TMEM80: variants seen among roughly 807,000 people sequenced by gnomAD.
The protein encoded by TMEM80 is transmembrane protein 80.
Under a neutral mutation model 13.6 loss-of-function variants are expected in TMEM80, and 16 were observed. The observed-to-expected ratio is 1.17, with a 90% CI of 0.79 to 1.78. The LOEUF (loss-of-function observed/expected upper bound fraction) is 1.78, where lower values mean the gene tolerates loss of function less well. Among genes scored for constraint, TMEM80 ranks in the 40% most tolerant of loss-of-function variants. The pLI is 0.00. For missense variants in TMEM80, 167 were observed against 184.6 expected (o/e 0.90, Z 0.55); for synonymous variants, 92 against 89.5 (o/e 1.03, Z -0.16).
intron 1 of TMEM80, among the ~76,000 whole-genome samples, chr11:696,984 CA>C (rs1362242280): frequency 2.8e-5 from 4 of 142,832 alleles, no homozygotes; most frequent in African/African-American, 1.1e-4. Flanking sequence ...GAGTCTGAGG[CA>C]GGAGAATTGC....
At chr11:696,121 C>T (rs1474652813) in intron 1 of TMEM80, among the ~76,000 whole-genome samples, 3 of 152,094 alleles carry the variant, frequency 2.0e-5, no homozygotes, top group African/African-American at 7.2e-5. Context: ...CCCGGCAGCT[C>T]TTGTCCCGCG....
intron 1 of TMEM80, among the ~76,000 whole-genome samples, chr11:697,244 AC>A (rs1190622642): frequency 6.6e-6 from 1 of 152,078 alleles, no homozygotes; most frequent in East Asian, 1.9e-4. Context: ...ACAGAGCAAA[AC>A]CCTGTCTCTA....
At chr11:704,573 C>G, downstream of TMEM80, 1 of 1,287,988 alleles carries the variant, frequency 7.8e-7, no homozygotes, top group African/African-American at 1.5e-5. Flanking sequence ...ATCTGGAGGA[C>G]CCAGCCCACA....
intron 1 of TMEM80, 71 bp downstream of exon 1, chr11:695,917 C>T: frequency 1.7e-6 from 2 of 1,149,614 alleles, no homozygotes; most frequent in African/African-American, 3.2e-5. Context: ...GGTGACAATC[C>T]GGTTTCCGCT....
At chr11:701,184 G>C (rs1861444465) in intron 4 of TMEM80, 1 of 182,114 alleles carries the variant, frequency 5.5e-6, no homozygotes, top group South Asian at 1.1e-4. Flanking sequence ...CCCTTCCAGT[G>C]ACCTACTTTT....
upstream of TMEM80, chr11:695,673 CTAA>C: frequency 1.6e-6 from 2 of 1,243,898 alleles, no homozygotes; most frequent in Non-Finnish European, 2.0e-6. Context: ...GCCGGACGGA[CTAA>C]TCGGGCCTCG....
rs1484837897 is a variant in TMEM80, at chr11:702,976, G to A, written c.258G>A (p.Arg86=). 1.2e-6 allele frequency: 2 copies of A among 1,610,088 alleles called. No homozygotes were observed. Among genetic ancestry groups the A allele is most frequent in the Non-Finnish European group, 1.7e-6 (2 of 1,179,054 alleles). ...GGGGCAACCTGACAGAGGCTGAGAG[G>A]CCGCTGGCCGCCAGCCTGGCCCTCA... ...GTRGNLTEAE[R]PLAASLALTA... The change falls in exon 5 of 5, where the codon AGG becomes AGA. Residue 86 remains arginine, a synonymous_variant. Coordinates refer to ENST00000397510, the MANE Select transcript of TMEM80 (RefSeq NM_001042463.3).
intron 4 of TMEM80, 95 bp downstream of exon 4, chr11:700,802 CAG>C (rs1245062073): frequency 8.3e-7 from 1 of 1,208,424 alleles, no homozygotes; most frequent in African/African-American, 1.5e-5. Context: ...GTGTGGTTCT[CAG>C]AGACATTTTT....
chr11:704,211 T>G, downstream of TMEM80: 3 of 972,378 alleles, frequency 3.1e-6, no homozygotes, highest in Non-Finnish European at 4.0e-6. Flanking sequence ...TGCCAGCTGG[T>G]CAGTTCCTGG....
intron 1 of TMEM80, 36 bp from the exon 2 acceptor site, chr11:698,833 C>G (rs1410720187): frequency 3.1e-6 from 5 of 1,613,940 alleles, no homozygotes; most frequent in Non-Finnish European, 4.2e-6. Flanking sequence ...ATCCTGGTGG[C>G]TGTCAGGCCT....
In TMEM80 at chr11:703,003, G is replaced by T. The variant is rs7128391; in HGVS notation, c.285G>T (p.Thr95=). ...CGCTGGCCGCCAGCCTGGCCCTCAC[G>T]GCTGGCACCGCCCTCCTCTCTGCCC... is the stretch of plus-strand genomic sequence containing the variant. The part of the protein sequence containing the change: ...ERPLAASLAL[T]AGTALLSAHF... Residue 95 remains threonine, a synonymous_variant, in exon 5 of 5, where the codon ACG becomes ACT. Coordinates refer to ENST00000397510, the MANE Select transcript of TMEM80 (RefSeq NM_001042463.3). The T allele has an allele frequency of 6.2e-7, 1 of 1,612,052 alleles. No individual in the cohort carries two copies. Among genetic ancestry groups the T allele is most frequent in the Admixed American group, 1.7e-5 (1 of 59,988 alleles).
intron 2 of TMEM80, 195 bp from the exon 3 acceptor site, chr11:699,947 G>T: frequency 3.5e-6 from 2 of 564,082 alleles, no homozygotes; most frequent in South Asian, 2.0e-5. Context: ...CAAAGGCCTT[G>T]TCAGCTCATG....
In TMEM80 at chr11:703,007, G is replaced by A. The variant is rs200745812; in HGVS notation, c.289G>A (p.Gly97Ser). ...GGCCGCCAGCCTGGCCCTCACGGCT[G>A]GCACCGCCCTCCTCTCTGCCCACTT... ...PLAASLALTA[G>S]TALLSAHFLL... The change falls in exon 5 of 5, where the codon GGC (glycine) becomes AGC (serine). Residue 97 changes from glycine to serine, a missense_variant. By Grantham distance (56) the Gly-to-Ser change is moderately conservative. Transcript: ENST00000397510. The A allele has an allele frequency of 3.1e-6, 5 of 1,612,194 alleles. No homozygotes were observed. In the East Asian group the frequency reaches 8.9e-5, roughly 29 times the overall value.
chr11:704,860 G>A (rs1042111156), downstream of TMEM80: 7 of 363,832 alleles, frequency 1.9e-5, no homozygotes, highest in African/African-American at 6.4e-5. Context: ...CCTCTCCAGC[G>A]CCTGTTTCCC....
Position 704,055 on chromosome 11 carries a change from T to C in TMEM80, c.*905T>C, listed in dbSNP as rs1390692278. 10 of 1,155,828 alleles carry C rather than the reference T, an allele frequency of 8.7e-6. No homozygotes were observed. Among genetic ancestry groups the C allele is most frequent in the Non-Finnish European group, 6.4e-6 (6 of 937,442 alleles). 71.6% of individuals were successfully genotyped at this position (1,155,828 alleles called of 1,614,324 possible). ...TATTGTGTGTTTTCTATGTTTGGAA[T>C]AATTACACCCAAATATCTAGATATT... On this transcript the variant is annotated 3_prime_UTR_variant, in exon 5 of 5. Transcript: ENST00000397510.
rs1370744624 is a variant in TMEM80 at position 703,731 on chromosome 11, A to C, written c.*581A>C. ...AGAGTGGACTCTGGGTTCCTAAAGC[A>C]ATAAATGCAAACAAGCCAACAGCTC... On this transcript the variant is annotated 3_prime_UTR_variant, in exon 5 of 5. Coordinates refer to ENST00000397510, the MANE Select transcript of TMEM80 (RefSeq NM_001042463.3). 13 of 1,232,494 alleles carry C rather than the reference A, an allele frequency of 1.1e-5. No homozygotes were observed. In the Admixed American group the frequency reaches 1.7e-4, roughly 16 times the overall value. 76.3% of individuals were successfully genotyped at this position (1,232,494 alleles called of 1,614,324 possible).
downstream of TMEM80, chr11:704,511 A>C (rs766015612): frequency 3.0e-5 from 38 of 1,287,066 alleles, no homozygotes; most frequent in South Asian, 4.6e-4. Flanking sequence ...GCCTCGGGCC[A>C]CCTCCCTCAC....
At position 703,364 on chromosome 11, in the gene TMEM80, G is replaced by A. The variant is rs1861587411; in HGVS notation, c.*214G>A. ...GCCCTGGTGTTGGGAACAGCTGCGG[G>A]GAGGGTAGGGACCAGACAGAACTGC... is the stretch of plus-strand genomic sequence containing the variant. On this transcript the variant is annotated 3_prime_UTR_variant, in exon 5 of 5. Transcript: ENST00000397510. 7.2e-7 allele frequency: 1 copy of A among 1,394,460 alleles called. No homozygotes were observed. Among genetic ancestry groups the A allele is most frequent in the Non-Finnish European group, 9.3e-7 (1 of 1,078,650 alleles). 86.4% of individuals were successfully genotyped at this position (1,394,460 alleles called of 1,614,324 possible). A position where few individuals can be genotyped will look rare whatever the true frequency, so the allele number is the denominator to read the frequency against.
intron 1 of TMEM80, among the ~76,000 whole-genome samples, chr11:697,079 A>C (rs970754483): frequency 6.9e-6 from 1 of 144,316 alleles, no homozygotes; most frequent in Non-Finnish European, 1.5e-5. Flanking sequence ...CAGCCTGGGC[A>C]ACAAGAGCGA....
Sources: gnomAD v4.1 joint callset for allele counts (sites outside exome capture counted in the v4.1 genomes callset) on GRCh38, gnomAD v4.1.1 for gene constraint, MANE v1.5 for transcripts, NCBI Gene and HGNC (gene_info 2026-07-23, HGNC 2026-07-21) for gene names.